Variants in FAM107B observed in about 807,000 individuals in gnomAD.
FAM107B encodes the protein protein FAM107B.
FAM107B carries 21 observed loss-of-function variants against 31.5 expected under a neutral mutation model. That is an observed-to-expected ratio of 0.67 (90% CI 0.47 to 0.96). The LOEUF (loss-of-function observed/expected upper bound fraction) is 0.96, where lower values mean the gene tolerates loss of function less well. Ranked by LOEUF, FAM107B falls within the 40% of genes least tolerant of loss-of-function variation. The pLI, the probability that FAM107B is intolerant of heterozygous loss-of-function variation, is 0.00. For missense variants in FAM107B, 452 were observed against 377.1 expected, an observed-to-expected ratio of 1.20 and a Z score of -1.64; for synonymous variants, 157 against 141.5, an observed-to-expected ratio of 1.11 and a Z score of -0.78.
intron 2 of FAM107B, among the ~76,000 whole-genome samples, chr10:14,633,967 C>A (rs536732551): frequency 2.0e-5 from 3 of 152,110 alleles, no homozygotes; most frequent in Non-Finnish European, 4.4e-5. Flanking sequence ...ACTCACATGC[C>A]CTAAACTGAA....
intron 2 of FAM107B, among the ~76,000 whole-genome samples, chr10:14,599,314 G>A (rs554854318): frequency 6.6e-6 from 1 of 152,176 alleles, no homozygotes; most frequent in African/African-American, 2.4e-5. Flanking sequence ...GAGCAGCCCA[G>A]AGGGTCCCCT....
At position 14,772,362 on chromosome 10, in the gene FAM107B, A is replaced by AAAATATATAT. The variant is rs10651238; in HGVS notation, c.411+1890_411+1891insATATATATTT. 7.5e-3 allele frequency among the ~76,000 whole-genome samples: 1,095 copies of AAAATATATAT among 145,594 alleles called. 17 individuals carry two copies. Among genetic ancestry groups the AAAATATATAT allele is most frequent in the African/African-American group, 0.027 (1,035 of 38,322 alleles). ...GAGCAAGACTCCATCTTAAAAAAAA[A>AAAATATATAT]ATATATATATATATATATGCACCTC... On this transcript the variant is annotated intron_variant, in intron 1 of 4. Transcript: ENST00000181796.
intron 3 of FAM107B, 83 bp from the exon 4 acceptor site, chr10:14,522,102 A>C: frequency 1.3e-6 from 2 of 1,515,154 alleles, no homozygotes; most frequent in Non-Finnish European, 1.8e-6. Context: ...TTACAATATC[A>C]ACCACGGAAA....
At chr10:14,771,662 A>G (rs1440066310) in intron 1 of FAM107B, among the ~76,000 whole-genome samples, 1 of 152,228 alleles carries the variant, frequency 6.6e-6, no homozygotes, top group African/African-American at 2.4e-5. Flanking sequence ...TATCGACATC[A>G]ACATATAAAT....
chr10:14,719,388 T>C (rs1412061236), intron 1 of FAM107B, among the ~76,000 whole-genome samples: 1 of 152,208 alleles, frequency 6.6e-6, no homozygotes, highest in Admixed American at 6.5e-5. Context: ...TAATACAACA[T>C]AACTAATACT....
chr10:14,573,924 A>C (rs916473617), intron 2 of FAM107B, among the ~76,000 whole-genome samples: 6 of 141,684 alleles, frequency 4.2e-5, no homozygotes, highest in Non-Finnish European at 9.2e-5. Flanking sequence ...AACAAAAAAA[A>C]AAAACCACCC....
chr10:14,665,416 G>T (rs1193067978), intron 2 of FAM107B, among the ~76,000 whole-genome samples: 3 of 152,192 alleles, frequency 2.0e-5, no homozygotes. Flanking sequence ...TCATTTCTTA[G>T]CAAGTCTTTA....
intron 1 of FAM107B, among the ~76,000 whole-genome samples, chr10:14,717,092 ATAAAAAT>A (rs1304080883): frequency 4.6e-5 from 7 of 152,176 alleles, no homozygotes; most frequent in African/African-American, 9.7e-5. Context: ...TGTCTCAAAA[ATAAAAAT>A]TAAAAATTAA....
intron 1 of FAM107B, among the ~76,000 whole-genome samples, chr10:14,766,985 A>G (rs113164748): frequency 7.6e-4 from 104 of 136,032 alleles, no homozygotes; most frequent in African/African-American, 2.6e-3. Context: ...AGACAAAGGC[A>G]CTGCAAGAAA....
At chr10:14,564,715 C>A (rs1044196343) in intron 2 of FAM107B, among the ~76,000 whole-genome samples, 1 of 152,092 alleles carries the variant, frequency 6.6e-6, no homozygotes, top group Non-Finnish European at 1.5e-5. Context: ...GTGCCCAGAT[C>A]GCAACAGAAA....
At chr10:14,618,773 G>C (rs1304331392) in intron 2 of FAM107B, among the ~76,000 whole-genome samples, 1 of 152,114 alleles carries the variant, frequency 6.6e-6, no homozygotes, top group Non-Finnish European at 1.5e-5. Flanking sequence ...GGAGACAGAG[G>C]TTGCAGTGAG....
chr10:14,650,020 G>A (rs891055336), intron 2 of FAM107B, among the ~76,000 whole-genome samples: 1 of 152,142 alleles, frequency 6.6e-6, no homozygotes. Context: ...CACCTGGTCC[G>A]AGGTGGCTGC....
intron 1 of FAM107B, among the ~76,000 whole-genome samples, chr10:14,759,121 G>A (rs1437818132): frequency 6.6e-6 from 1 of 150,978 alleles, no homozygotes; most frequent in Non-Finnish European, 1.5e-5. Flanking sequence ...AGGTTGCAGT[G>A]AGCCGAGATC....
At chr10:14,721,194 A>G (rs1588729962) in intron 1 of FAM107B, among the ~76,000 whole-genome samples, 1 of 152,174 alleles carries the variant, frequency 6.6e-6, no homozygotes, top group East Asian at 1.9e-4. Flanking sequence ...TTATGGCTGC[A>G]TAGTATTCCA....
intron 1 of FAM107B, among the ~76,000 whole-genome samples, chr10:14,695,384 C>T (rs527555353): frequency 6.6e-6 from 1 of 152,292 alleles, no homozygotes; most frequent in East Asian, 1.9e-4. Context: ...CATTACCATG[C>T]TGTTTAATTA....
intron 1 of FAM107B, among the ~76,000 whole-genome samples, chr10:14,690,505 G>A (rs149469451): frequency 7.5e-4 from 114 of 151,894 alleles, no homozygotes; most frequent in Non-Finnish European, 1.5e-3. Flanking sequence ...CCAGGCTGGA[G>A]TGCAGTGGTG....
At chr10:14,639,991 T>C (rs752729405) in intron 2 of FAM107B, among the ~76,000 whole-genome samples, 1 of 152,248 alleles carries the variant, frequency 6.6e-6, no homozygotes, top group Non-Finnish European at 1.5e-5. Flanking sequence ...TTTCCTTCTT[T>C]GTATACTGAT....
At chr10:14,592,539 T>C (rs748610484) in intron 2 of FAM107B, among the ~76,000 whole-genome samples, 1 of 152,260 alleles carries the variant, frequency 6.6e-6, no homozygotes, top group African/African-American at 2.4e-5. Context: ...CCTGCATTTC[T>C]ACCCAGGGGT....
At chr10:14,711,763 C>T (rs1226406509) in intron 1 of FAM107B, among the ~76,000 whole-genome samples, 10 of 152,214 alleles carry the variant, frequency 6.6e-5, no homozygotes, top group African/African-American at 2.2e-4. Flanking sequence ...CCTGCCTCAG[C>T]CTCATGAGTA....
Sources: allele counts gnomAD v4.1 joint callset (sites outside exome capture counted in the v4.1 genomes callset), GRCh38; gene constraint gnomAD v4.1.1; transcripts MANE v1.5; gene names NCBI Gene and HGNC (gene_info 2026-07-23, HGNC 2026-07-21).